The following WWTR1 variants were observed in gnomAD, a reference collection of about 807,000 sequenced individuals.
WWTR1 encodes the protein WW domain containing transcription regulator 1.
Under a neutral mutation model 40.1 loss-of-function variants are expected in WWTR1, and 13 were observed. The ratio of observed to expected loss-of-function variants is 0.32; its 90% CI spans 0.21 to 0.52. The LOEUF (loss-of-function observed/expected upper bound fraction) is 0.52, where lower values mean the gene tolerates loss of function less well. WWTR1 is among the 20% of genes least tolerant of loss of function. WWTR1 has a pLI of 0.97. For missense variants in WWTR1, 436 were observed against 523.1 expected, an observed-to-expected ratio of 0.83 and a Z score of 1.63; for synonymous variants, 230 against 210.1, an observed-to-expected ratio of 1.09 and a Z score of -0.82.
At chr3:149,664,841 G>T (rs1364916043) in intron 2 of WWTR1, among the ~76,000 whole-genome samples, 2 of 152,046 alleles carry the variant, frequency 1.3e-5, no homozygotes, top group Non-Finnish European at 2.9e-5. Context: ...CACCCACCTT[G>T]GCTTCTCAAA....
At chr3:149,545,990 C>G (rs1351084614) in intron 3 of WWTR1, among the ~76,000 whole-genome samples, 1 of 152,206 alleles carries the variant, frequency 6.6e-6, no homozygotes, top group Non-Finnish European at 1.5e-5. Flanking sequence ...TACTGTATTA[C>G]TGAAAGCCAC....
At chr3:149,687,796 C>A (rs1714700957) in intron 1 of WWTR1, among the ~76,000 whole-genome samples, 1 of 151,856 alleles carries the variant, frequency 6.6e-6, no homozygotes, top group Non-Finnish European at 1.5e-5. Context: ...ACCACACAGA[C>A]CCCTAAGGTC....
At chr3:149,570,459 C>T (rs1309627635) in intron 3 of WWTR1, among the ~76,000 whole-genome samples, 1 of 152,030 alleles carries the variant, frequency 6.6e-6, no homozygotes, top group African/African-American at 2.4e-5. Context: ...GTCCCAGCTA[C>T]TGGGGAAGCT....
At chr3:149,721,150 C>T (rs760978601) in intron 4 of WWTR1, among the ~76,000 whole-genome samples, 19 of 152,068 alleles carry the variant, frequency 1.2e-4, no homozygotes, top group African/African-American at 2.7e-4. Flanking sequence ...CAATGCTATA[C>T]GGTGAAAGTG....
upstream of WWTR1, among the ~76,000 whole-genome samples, chr3:149,704,042 A>T (rs373173689): frequency 3.9e-5 from 6 of 152,286 alleles, no homozygotes; most frequent in East Asian, 9.7e-4. Context: ...CAGTGGCATG[A>T]TCATGGCTCA....
intron 2 of WWTR1, among the ~76,000 whole-genome samples, chr3:149,573,987 T>A (rs908895007): frequency 6.6e-6 from 1 of 152,148 alleles, no homozygotes; most frequent in African/African-American, 2.4e-5. Flanking sequence ...TTCCTCTACT[T>A]TGTTTTATAA....
intron 2 of WWTR1, among the ~76,000 whole-genome samples, chr3:149,633,515 G>A (rs74695575): frequency 0.01 from 1,531 of 152,292 alleles, 12 homozygotes; most frequent in East Asian, 0.019. Flanking sequence ...TTAGGCAAGC[G>A]TCCTACCTAC....
intron 2 of WWTR1, among the ~76,000 whole-genome samples, chr3:149,624,661 T>C (rs1055139711): frequency 6.6e-6 from 1 of 152,204 alleles, no homozygotes; most frequent in Non-Finnish European, 1.5e-5. Flanking sequence ...AACTGATACG[T>C]ACTGTTTCTT....
At chr3:149,568,390 G>C (rs1737434219) in intron 3 of WWTR1, among the ~76,000 whole-genome samples, 1 of 151,378 alleles carries the variant, frequency 6.6e-6, no homozygotes, top group African/African-American at 2.4e-5. Flanking sequence ...CATATGTCTG[G>C]GAATTCAGGC....
chr3:149,607,670 T>C (rs915066589), intron 2 of WWTR1, among the ~76,000 whole-genome samples: 2 of 152,206 alleles, frequency 1.3e-5, no homozygotes, highest in East Asian at 3.9e-4. Context: ...AAGTTTTAAA[T>C]TGATTGAAGT....
intron 2 of WWTR1, among the ~76,000 whole-genome samples, chr3:149,631,504 C>T (rs553382785): frequency 1.3e-5 from 2 of 152,256 alleles, no homozygotes; most frequent in South Asian, 2.1e-4. Flanking sequence ...GTACAAACCC[C>T]AAATATAAGT....
chr3:149,656,763 TTTC>T, intron 2 of WWTR1, 110 bp downstream of exon 2: 1 of 505,692 alleles, frequency 2.0e-6, no homozygotes, highest in Non-Finnish European at 2.5e-6. Flanking sequence ...CATCTCTCTC[TTTC>T]TCTCTCTCTC....
intron 2 of WWTR1, among the ~76,000 whole-genome samples, chr3:149,604,617 C>G (rs933780256): frequency 1.3e-5 from 2 of 152,208 alleles, no homozygotes; most frequent in Non-Finnish European, 2.9e-5. Flanking sequence ...CCTAGCCCAG[C>G]CCCATTCCTC....
chr3:149,557,061 CTTTTTTTTTTTTT>C (rs3044118), intron 3 of WWTR1, among the ~76,000 whole-genome samples: 1 of 64,356 alleles, frequency 1.6e-5, no homozygotes, highest in Non-Finnish European at 2.7e-5. Context: ...CTGGAATCTT[CTTTTTTTTTTTTT>C]TTTTTTTTTT....
rs150372067 is a variant in WWTR1 at position 149,533,336 on chromosome 3, A to G, written c.772-5367T>C. On this transcript the variant is annotated intron_variant, in intron 4 of 6. Transcript: ENST00000360632. ...TCTTTTCAAAGAGTGACCAGAGACC[A>G]ATCAGGATAGAGAGGGGTCAGGGCA... Among the ~76,000 whole-genome samples, 601 of 152,352 alleles carry G rather than the reference A, an allele frequency of 3.9e-3. 3 individuals carry two copies. Among genetic ancestry groups the G allele is most frequent in the Non-Finnish European group, 7.0e-3 (479 of 68,024 alleles).
chr3:149,685,678 T>C (rs1215239226), intron 1 of WWTR1, among the ~76,000 whole-genome samples: 1 of 152,062 alleles, frequency 6.6e-6, no homozygotes, highest in Non-Finnish European at 1.5e-5. Flanking sequence ...TCTTGATTCA[T>C]CAATTCCTCC....
At position 149,543,080 on chromosome 3, in the gene WWTR1, G is replaced by A. The variant is rs964826033; in HGVS notation, c.569-543C>T. Among the ~76,000 whole-genome samples, 3 of 152,170 alleles carry A rather than the reference G, an allele frequency of 2.0e-5. No homozygotes were observed. The East Asian group carries it at 5.8e-4, about 29-fold the overall frequency. ...CCTTTGTTTGAAAAGCATGCTGCAA[G>A]GAAGCCTGAGCTATGAGCTAAACTC... is the stretch of plus-strand genomic sequence containing the variant. On this transcript the variant is annotated intron_variant, in intron 3 of 6. Coordinates refer to ENST00000360632, the MANE Select transcript of WWTR1 (RefSeq NM_015472.6).
chr3:149,598,512 A>G (rs1265714146), intron 2 of WWTR1, among the ~76,000 whole-genome samples: 1 of 152,118 alleles, frequency 6.6e-6, no homozygotes, highest in Non-Finnish European at 1.5e-5. Flanking sequence ...ATTTTCTTTA[A>G]TCTTCTTTCT....
intron 4 of WWTR1, among the ~76,000 whole-genome samples, chr3:149,534,610 C>T (rs570721116): frequency 2.6e-5 from 4 of 152,308 alleles, no homozygotes; most frequent in African/African-American, 9.6e-5. Context: ...CACAACCCAT[C>T]AAGCAAAGTT....
Sources: allele counts gnomAD v4.1 joint callset (sites outside exome capture counted in the v4.1 genomes callset), GRCh38; gene constraint gnomAD v4.1.1; transcripts MANE v1.5; gene names NCBI Gene and HGNC (gene_info 2026-07-23, HGNC 2026-07-21).